Variants in AGBL1 observed in about 807,000 individuals in gnomAD.
AGBL1 encodes cytosolic carboxypeptidase 4.
Under a neutral mutation model 118.9 loss-of-function variants are expected in AGBL1, and 130 were observed. The ratio of observed to expected loss-of-function variants is 1.09; its 90% CI spans 0.95 to 1.26. AGBL1 has a LOEUF of 1.26. Ranked by LOEUF, AGBL1 falls within the 50% of genes most tolerant of loss-of-function variation. The pLI, the probability that AGBL1 is intolerant of heterozygous loss-of-function variation, is 0.00. For missense variants in AGBL1, 1,584 were observed against 1,298.1 expected (o/e 1.22, Z -3.38); for synonymous variants, 555 against 478.9 (o/e 1.16, Z -2.08).
At chr15:86,792,492 T>A (rs949381942) in intron 22 of AGBL1, among the ~76,000 whole-genome samples, 1 of 152,202 alleles carries the variant, frequency 6.6e-6, no homozygotes, top group Non-Finnish European at 1.5e-5. Context: ...AAGATTTTTA[T>A]TGGGAGTTTC....
chr15:86,794,219 T>A (rs2078538265), intron 22 of AGBL1, among the ~76,000 whole-genome samples: 1 of 152,188 alleles, frequency 6.6e-6, no homozygotes, highest in Admixed American at 6.6e-5. Context: ...AACTGATGAA[T>A]GGATAAATAA....
chr15:86,741,869 G>A (rs2077685061), intron 22 of AGBL1, among the ~76,000 whole-genome samples: 1 of 152,032 alleles, frequency 6.6e-6, no homozygotes, highest in African/African-American at 2.4e-5. Context: ...CATACAGTGT[G>A]CCTAGGATAG....
intron 6 of AGBL1, among the ~76,000 whole-genome samples, chr15:86,228,539 G>C (rs949309899): frequency 6.6e-6 from 1 of 152,158 alleles, no homozygotes; most frequent in African/African-American, 2.4e-5. Flanking sequence ...TAAACACTAG[G>C]GTGGGTTGGA....
At chr15:86,264,115 G>C (rs887697342) in intron 10 of AGBL1, 143 bp from the exon 11 acceptor site, 2 of 693,166 alleles carry the variant, frequency 2.9e-6, no homozygotes, top group African/African-American at 1.8e-5. Context: ...TTGAAGGTTA[G>C]TCTTTAGTTG....
chr15:86,560,083 G>T (rs2083792918), intron 21 of AGBL1, among the ~76,000 whole-genome samples: 1 of 151,990 alleles, frequency 6.6e-6, no homozygotes, highest in Non-Finnish European at 1.5e-5. Context: ...CCAGACCAGG[G>T]TGACCCAGTG....
intron 21 of AGBL1, among the ~76,000 whole-genome samples, chr15:86,559,750 G>A (rs1313545234): frequency 6.6e-6 from 1 of 151,824 alleles, no homozygotes; most frequent in East Asian, 1.9e-4. Flanking sequence ...CTTGCTCAAG[G>A]TCCCACAGCT....
At chr15:86,251,299 C>A (rs1597624612) in intron 7 of AGBL1, among the ~76,000 whole-genome samples, 1 of 152,246 alleles carries the variant, frequency 6.6e-6, no homozygotes, top group African/African-American at 2.4e-5. Flanking sequence ...CCAGCAGCTC[C>A]CCCAGTTGAG....
intron 17 of AGBL1, among the ~76,000 whole-genome samples, chr15:86,370,677 C>T (rs1277592376): frequency 6.6e-6 from 1 of 152,226 alleles, no homozygotes; most frequent in African/African-American, 2.4e-5. Flanking sequence ...ATCTATACTA[C>T]TTTGCCTCTA....
intron 24 of AGBL1, among the ~76,000 whole-genome samples, chr15:87,018,763 C>T (rs547239769): frequency 3.9e-5 from 6 of 152,276 alleles, no homozygotes; most frequent in African/African-American, 1.4e-4. Flanking sequence ...ATCAAACTCA[C>T]ATATAACAAT....
chr15:86,698,824 G>T (rs1170751282), intron 22 of AGBL1, among the ~76,000 whole-genome samples: 1 of 151,894 alleles, frequency 6.6e-6, no homozygotes, highest in East Asian at 1.9e-4. Flanking sequence ...TAATGAAATG[G>T]ATTTTGAAGG....
chr15:86,385,772 G>A (rs1335352517), intron 17 of AGBL1, among the ~76,000 whole-genome samples: 1 of 152,052 alleles, frequency 6.6e-6, no homozygotes, highest in East Asian at 1.9e-4. Flanking sequence ...GGTTCTGATG[G>A]GCGACCACTA....
rs527347881 is a variant in AGBL1 at position 86,124,954 on chromosome 15, T to C, written c.52-17050T>C. ...AGACTTTATTTTGGGGAGGAATTAA[T>C]AAAAAGGGGTTTTAGAATTAAGTTG... On this transcript the variant is annotated intron_variant, in intron 1 of 22. Coordinates refer to ENST00000614907, the MANE Select transcript of AGBL1 (RefSeq NM_001386094.1). Among the ~76,000 whole-genome samples the C allele has an allele frequency of 4.6e-5, 7 of 152,310 alleles. No individual in the cohort carries two copies. The South Asian group carries it at 8.3e-4, about 18-fold the overall frequency.
chr15:86,743,277 T>C (rs112722898), intron 22 of AGBL1, among the ~76,000 whole-genome samples: 3 of 152,282 alleles, frequency 2.0e-5, no homozygotes, highest in African/African-American at 7.2e-5. Context: ...ACATTTGTTA[T>C]AATGGAAGGA....
chr15:86,560,338 G>T (rs2083798477), intron 21 of AGBL1, among the ~76,000 whole-genome samples: 1 of 139,864 alleles, frequency 7.1e-6, no homozygotes, highest in African/African-American at 2.7e-5. Context: ...CCCTTCCTGT[G>T]TCCAAGTGTT....
intron 22 of AGBL1, among the ~76,000 whole-genome samples, chr15:86,711,305 A>G (rs893522096): frequency 6.6e-6 from 1 of 152,218 alleles, no homozygotes; most frequent in Non-Finnish European, 1.5e-5. Flanking sequence ...TAAAAGTTCC[A>G]ACAAGATCAA....
Position 86,295,518 on chromosome 15 carries a change from T to C in AGBL1, c.2374+110T>C, listed in dbSNP as rs528484497. ...AAAAGCTCCATAAAGGGTTGGAGACTGTCTGTCTTTGTAGAAATACACCCC... is the reference window on the plus strand; with the variant it reads ...AAAAGCTCCATAAAGGGTTGGAGACCGTCTGTCTTTGTAGAAATACACCCC... On this transcript the variant is annotated intron_variant, in intron 17 of 22. Transcript: ENST00000614907. 259 of 1,138,030 alleles carry C rather than the reference T, an allele frequency of 2.3e-4. 2 individuals carry two copies. In the South Asian group the frequency reaches 4.9e-3, roughly 22 times the overall value. The allele number at this position is 1,138,030 out of a possible 1,614,324, so 70.5% of individuals were successfully genotyped here.
At chr15:86,217,965 T>C (rs1328040873) in intron 5 of AGBL1, among the ~76,000 whole-genome samples, 2 of 151,896 alleles carry the variant, frequency 1.3e-5, no homozygotes, top group African/African-American at 4.8e-5. Flanking sequence ...AGATACAGAG[T>C]GGATATGGAT....
chr15:86,467,516 G>A (rs948398797), intron 18 of AGBL1, among the ~76,000 whole-genome samples: 1 of 152,210 alleles, frequency 6.6e-6, no homozygotes, highest in African/African-American at 2.4e-5. Context: ...CCCCACTGGG[G>A]TATGAATAAA....
Position 86,289,701 on chromosome 15 carries a change from A to T in AGBL1, c.2221-5554A>T, listed in dbSNP as rs998514095. ...TTGCATGCCTCTTACCTCCTTTTCC[A>T]TTACATCCCATCTCCTCCTTTGGCT... On this transcript the variant is annotated intron_variant, in intron 16 of 22. Coordinates refer to ENST00000614907, the MANE Select transcript of AGBL1 (RefSeq NM_001386094.1). Among the ~76,000 whole-genome samples the T allele has an allele frequency of 2.6e-5, 4 of 151,964 alleles. No homozygotes were observed. In the South Asian group the frequency reaches 8.3e-4, roughly 32 times the overall value.
Sources: gnomAD v4.1 joint callset for allele counts (sites outside exome capture counted in the v4.1 genomes callset) on GRCh38, gnomAD v4.1.1 for gene constraint, MANE v1.5 for transcripts, NCBI Gene and HGNC (gene_info 2026-07-23, HGNC 2026-07-21) for gene names.